Variants in LOC131768270 observed in about 807,000 individuals in gnomAD.
the LOC131768270 span, chr5:140,567,192 T>C: frequency 6.2e-7 from 1 of 1,613,766 alleles, no homozygotes. Context: ...GATGGGGGTA[T>C]GCCAGGCCTG....
chr5:140,567,603 C>CGCT, the LOC131768270 span: 6 of 1,614,104 alleles, frequency 3.7e-6, no homozygotes, highest in African/African-American at 2.7e-5. Flanking sequence ...CAGGGGTTAG[C>CGCT]GCTGCTGCTG....
the LOC131768270 span, chr5:140,568,042 C>T: frequency 1.9e-5 from 31 of 1,613,854 alleles, no homozygotes; most frequent in South Asian, 4.4e-5. Context: ...TGGTCAACGC[C>T]GTGCTCTCAG....
At chr5:140,568,031 G>T in the LOC131768270 span, 3 of 1,614,028 alleles carry the variant, frequency 1.9e-6, no homozygotes, top group East Asian at 6.7e-5. Context: ...CTGCTCGCTG[G>T]TGGTCAACGC....
the LOC131768270 span, chr5:140,567,057 C>T: frequency 7.8e-6 from 12 of 1,533,058 alleles, no homozygotes; most frequent in Non-Finnish European, 1.1e-5. Flanking sequence ...TCAGTATTCT[C>T]TCTGGCAATG....
the LOC131768270 span, chr5:140,565,141 A>C: frequency 2.7e-6 from 1 of 377,070 alleles, no homozygotes; most frequent in African/African-American, 2.1e-5. Flanking sequence ...TCCTCACTTT[A>C]CCCCATTCCC....
chr5:140,567,473 C>G, the LOC131768270 span: 6 of 1,614,054 alleles, frequency 3.7e-6, no homozygotes, highest in Admixed American at 8.3e-5. Context: ...TAACAACAAC[C>G]TGGTGATCTA....
chr5:140,567,899 G>T, the LOC131768270 span: 1 of 1,614,200 alleles, frequency 6.2e-7, no homozygotes, highest in Non-Finnish European at 8.5e-7. Context: ...CTCTGGCCCA[G>T]GCCTCCTGGA....
the LOC131768270 span, chr5:140,567,790 G>A: frequency 6.2e-7 from 1 of 1,614,062 alleles, no homozygotes; most frequent in Non-Finnish European, 8.5e-7. Context: ...TGTACACAGA[G>A]CTGCTCATGA....
At chr5:140,567,963 T>C in the LOC131768270 span, 1 of 1,614,182 alleles carries the variant, frequency 6.2e-7, no homozygotes, top group Non-Finnish European at 8.5e-7. Flanking sequence ...CTAAATGGAC[T>C]GCTCATGTCT....
At chr5:140,565,181 C>T in the LOC131768270 span, 2 of 333,638 alleles carry the variant, frequency 6.0e-6, no homozygotes, top group South Asian at 1.6e-4. Flanking sequence ...CCCAGTGACA[C>T]GATGTTTCCA....
the LOC131768270 span, among the ~76,000 whole-genome samples, chr5:140,566,228 C>T: frequency 6.6e-6 from 1 of 152,120 alleles, no homozygotes. Context: ...GCATTATAAA[C>T]ATGAGGGGTG....
the LOC131768270 span, chr5:140,566,927 C>G: frequency 2.2e-5 from 15 of 678,990 alleles, no homozygotes; most frequent in Non-Finnish European, 4.0e-5. Flanking sequence ...CAGCCTGCAC[C>G]CTGGATTCCT....
chr5:140,567,139 G>T, the LOC131768270 span: 1 of 1,614,060 alleles, frequency 6.2e-7, no homozygotes, highest in South Asian at 1.1e-5. Context: ...AATCCCTGCT[G>T]CCCCTTAGCC....
chr5:140,565,247 AT>A, the LOC131768270 span: 1 of 219,404 alleles, frequency 4.6e-6, no homozygotes, highest in South Asian at 1.8e-4. Context: ...TACATTCTGA[AT>A]TTCATACTTA....
chr5:140,568,018 G>C, the LOC131768270 span: 1 of 1,614,058 alleles, frequency 6.2e-7, no homozygotes, highest in South Asian at 1.1e-5. Flanking sequence ...TCTTTGTGGT[G>C]TCCTGCTCGC....
chr5:140,565,163 A>G, the LOC131768270 span: 1 of 353,988 alleles, frequency 2.8e-6, no homozygotes, highest in East Asian at 4.2e-5. Flanking sequence ...AGCTCCCGAA[A>G]TTTTCTTCCC....
chr5:140,568,770 C>T, the LOC131768270 span: 16 of 167,916 alleles, frequency 9.5e-5, no homozygotes, highest in Admixed American at 5.9e-4. Context: ...TCTGGAAACC[C>T]CAGAGAGGGC....
chr5:140,567,728 C>G, the LOC131768270 span: 1 of 1,614,178 alleles, frequency 6.2e-7, no homozygotes, highest in Non-Finnish European at 8.5e-7. Flanking sequence ...TATCACTCCG[C>G]TAGGCCTGCT....
the LOC131768270 span, chr5:140,567,285 T>A: frequency 5.2e-5 from 84 of 1,614,074 alleles, no homozygotes; most frequent in Admixed American, 6.7e-5. Flanking sequence ...TTGCTGGCAC[T>A]GTGCCATGTG....
Sources: gnomAD v4.1 joint callset for allele counts (sites outside exome capture counted in the v4.1 genomes callset) on GRCh38, gnomAD v4.1.1 for gene constraint, MANE v1.5 for transcripts.